EXT2: variants seen among roughly 807,000 people sequenced by gnomAD.
EXT2 encodes exostosin glycosyltransferase 2.
Under a neutral mutation model 81.6 loss-of-function variants are expected in EXT2, and 53 were observed. The ratio of observed to expected loss-of-function variants is 0.65; its 90% CI spans 0.52 to 0.82. EXT2 has a LOEUF of 0.82. Among genes scored for constraint, EXT2 ranks in the 40% least tolerant of loss-of-function variants. EXT2 has a pLI of 0.00. For missense variants in EXT2, 774 were observed against 910.2 expected (o/e 0.85, Z 1.93); for synonymous variants, 320 against 340.0 (o/e 0.94, Z 0.65).
rs1050050484 is a variant in EXT2 at position 44,250,097 on chromosome 11, C to G, written c.*5810C>G. Among the ~76,000 whole-genome samples the G allele has an allele frequency of 6.6e-6, 1 of 152,170 alleles. No individual in the cohort carries two copies. Among genetic ancestry groups the G allele is most frequent in the African/African-American group, 2.4e-5 (1 of 41,456 alleles). ...AAGAGAAAATGTTGTCTTTGCCAGG[C>G]AGTGTGGTAGGCCCAAGAGATATAG... On this transcript the variant is annotated 3_prime_UTR_variant, in exon 14 of 14. Transcript: ENST00000533608.
At chr11:44,237,768 T>TA (rs1484976767) in intron 13 of EXT2, among the ~76,000 whole-genome samples, 1 of 151,974 alleles carries the variant, frequency 6.6e-6, no homozygotes, top group African/African-American at 2.4e-5. Flanking sequence ...TAAAGAGGTT[T>TA]AAAATGCAGT....
intron 8 of EXT2, among the ~76,000 whole-genome samples, chr11:44,192,557 T>C (rs1208720617): frequency 6.6e-6 from 1 of 152,204 alleles, no homozygotes; most frequent in African/African-American, 2.4e-5. Context: ...GTAGGCAAGA[T>C]GAATACAAAT....
At chr11:44,225,908 G>A (rs1242190704) in intron 10 of EXT2, among the ~76,000 whole-genome samples, 1 of 152,206 alleles carries the variant, frequency 6.6e-6, no homozygotes, top group Non-Finnish European at 1.5e-5. Context: ...AGCTCCAACT[G>A]CCAAAGTGTG....
At chr11:44,208,091 T>G (rs1406549435) in intron 10 of EXT2, among the ~76,000 whole-genome samples, 1 of 152,234 alleles carries the variant, frequency 6.6e-6, no homozygotes, top group African/African-American at 2.4e-5. Flanking sequence ...AGATGACTTT[T>G]ACAGCACAGT....
intron 7 of EXT2, among the ~76,000 whole-genome samples, chr11:44,134,464 G>A (rs1201223649): frequency 2.0e-5 from 3 of 152,204 alleles, no homozygotes; most frequent in Non-Finnish European, 4.4e-5. Context: ...GGCTAAAGCT[G>A]TCAGGATGAA....
chr11:44,244,038 G>A (rs1362753452), intron 13 of EXT2, 111 bp from the exon 14 acceptor site: 2 of 968,224 alleles, frequency 2.1e-6, no homozygotes, highest in East Asian at 4.8e-5. Flanking sequence ...TGAACATTAT[G>A]TATTTTGCTG....
In EXT2 at chr11:44,245,124, C is replaced by T. The variant is rs1368522608; in HGVS notation, c.*837C>T. The stretch of plus-strand genomic sequence containing the variant: ...TCATAACCATTTTAAGAACAGATGA[C>T]TCAGAAACCTCCAGAGGAATCTGTT... On this transcript the variant is annotated 3_prime_UTR_variant, in exon 14 of 14. Transcript: ENST00000533608. 4.3e-6 allele frequency: 1 copy of T among 230,258 alleles called. No individual in the cohort carries two copies. The highest frequency in any genetic ancestry group is 8.6e-6 in the Non-Finnish European group (1 of 116,144). 14.3% of individuals were successfully genotyped at this position (230,258 alleles called of 1,614,324 possible).
intron 8 of EXT2, among the ~76,000 whole-genome samples, chr11:44,187,512 A>G (rs904629644): frequency 1.3e-5 from 2 of 152,202 alleles, no homozygotes; most frequent in East Asian, 1.9e-4. Flanking sequence ...TACTTATTTC[A>G]GAGAACTATT....
intron 8 of EXT2, among the ~76,000 whole-genome samples, chr11:44,189,970 A>C (rs1955369823): frequency 6.6e-6 from 1 of 152,210 alleles, no homozygotes; most frequent in Non-Finnish European, 1.5e-5. Flanking sequence ...GGCAACATGG[A>C]CCACATTACT....
At chr11:44,135,929 T>C (rs1954560171) in intron 7 of EXT2, among the ~76,000 whole-genome samples, 1 of 152,250 alleles carries the variant, frequency 6.6e-6, no homozygotes, top group Admixed American at 6.5e-5. Flanking sequence ...TAATGTGGCA[T>C]CTTAAAATTG....
intron 10 of EXT2, among the ~76,000 whole-genome samples, chr11:44,209,794 C>T (rs1955625994): frequency 6.6e-6 from 1 of 152,168 alleles, no homozygotes; most frequent in Admixed American, 6.5e-5. Flanking sequence ...TCAGAGTACT[C>T]TGTACCTCTT....
At chr11:44,122,583 A>G (rs1165811265) in intron 4 of EXT2, among the ~76,000 whole-genome samples, 1 of 152,220 alleles carries the variant, frequency 6.6e-6, no homozygotes, top group Non-Finnish European at 1.5e-5. Context: ...ACTTTTGGCT[A>G]TAAATATTGA....
chr11:44,202,713 ACT>A (rs1955536125), intron 9 of EXT2, among the ~76,000 whole-genome samples: 1 of 152,210 alleles, frequency 6.6e-6, no homozygotes, highest in Non-Finnish European at 1.5e-5. Flanking sequence ...TGTGCTGGGC[ACT>A]GTGTTGCTAA....
At chr11:44,212,826 G>A (rs894232241) in intron 10 of EXT2, among the ~76,000 whole-genome samples, 2 of 152,134 alleles carry the variant, frequency 1.3e-5, no homozygotes, top group African/African-American at 4.8e-5. Context: ...AGATGTAGGA[G>A]GCTACTGACT....
chr11:44,117,462 A>T (rs958370545), intron 4 of EXT2, among the ~76,000 whole-genome samples: 3 of 152,080 alleles, frequency 2.0e-5, no homozygotes, highest in Admixed American at 1.3e-4. Flanking sequence ...ATTTAGATTT[A>T]TGGTTCATTT....
At chr11:44,198,128 T>G (rs1955480482) in intron 9 of EXT2, 110 bp downstream of exon 9, 1 of 1,073,406 alleles carries the variant, frequency 9.3e-7, no homozygotes, top group African/African-American at 1.6e-5. Flanking sequence ...ATACCATTTC[T>G]GAGACAGCAT....
At chr11:44,234,359 A>G in intron 12 of EXT2, 116 bp downstream of exon 12, 2 of 1,077,334 alleles carry the variant, frequency 1.9e-6, no homozygotes, top group Admixed American at 4.0e-5. Context: ...TTTAAGCTCT[A>G]TTTTAGTTTA....
intron 1 of EXT2, among the ~76,000 whole-genome samples, chr11:44,104,117 C>T (rs1954022179): frequency 6.6e-6 from 1 of 151,854 alleles, no homozygotes; most frequent in Admixed American, 6.6e-5. Context: ...AGTTTTTGTT[C>T]CCTTAACCTC....
At chr11:44,205,723 T>G (rs1342888253) in intron 9 of EXT2, among the ~76,000 whole-genome samples, 2 of 152,204 alleles carry the variant, frequency 1.3e-5, no homozygotes. Flanking sequence ...TACTTCTTCT[T>G]CAGTATGGTG....
Sources: gnomAD v4.1 joint callset for allele counts (sites outside exome capture counted in the v4.1 genomes callset) on GRCh38, gnomAD v4.1.1 for gene constraint, MANE v1.5 for transcripts, NCBI Gene and HGNC (gene_info 2026-07-23, HGNC 2026-07-21) for gene names.